STOX2: variants seen among roughly 807,000 people sequenced by gnomAD.
The protein encoded by STOX2 is storkhead-box protein 2.
A neutral mutation model predicts 60.9 loss-of-function variants in STOX2; 28 were observed. The ratio of observed to expected loss-of-function variants is 0.46; its 90% CI spans 0.34 to 0.63. The LOEUF (loss-of-function observed/expected upper bound fraction) is 0.63, where lower values mean the gene tolerates loss of function less well. Among genes scored for constraint, STOX2 ranks in the 30% least tolerant of loss-of-function variants. The pLI is 0.01. For synonymous variants in STOX2, 472 were observed against 463.9 expected (o/e 1.02, Z -0.22); for missense variants, 1,024 against 1,187.7 (o/e 0.86, Z 2.03).
intron 1 of STOX2, among the ~76,000 whole-genome samples, chr4:183,965,328 A>G (rs1377095145): frequency 6.6e-6 from 1 of 152,192 alleles, no homozygotes; most frequent in East Asian, 1.9e-4. Flanking sequence ...AGGTTATATT[A>G]ATTGTGAACC....
chr4:183,980,169 C>T (rs1400451217), intron 1 of STOX2, among the ~76,000 whole-genome samples: 1 of 152,020 alleles, frequency 6.6e-6, no homozygotes, highest in African/African-American at 2.4e-5. Flanking sequence ...CATTTTCTAG[C>T]TTTATAAACA....
chr4:183,833,407 A>G (rs1166685296), intron 1 of STOX2, among the ~76,000 whole-genome samples: 2 of 152,136 alleles, frequency 1.3e-5, no homozygotes, highest in Admixed American at 1.3e-4. Context: ...AGGTAAGTTC[A>G]TAGCCTGGAT....
chr4:184,013,152 T>C (rs1045986631), intron 3 of STOX2, among the ~76,000 whole-genome samples: 2 of 152,236 alleles, frequency 1.3e-5, no homozygotes, highest in African/African-American at 4.8e-5. Flanking sequence ...GCTGCCGTAC[T>C]AAAGAGATAG....
At chr4:183,808,213 C>T (rs1738952240) in intron 1 of STOX2, among the ~76,000 whole-genome samples, 1 of 152,242 alleles carries the variant, frequency 6.6e-6, no homozygotes, top group Non-Finnish European at 1.5e-5. Context: ...ATCCAGTTCT[C>T]TATCTCATCG....
intron 1 of STOX2, among the ~76,000 whole-genome samples, chr4:183,971,196 A>G (rs1051418095): frequency 6.6e-6 from 1 of 152,172 alleles, no homozygotes; most frequent in Non-Finnish European, 1.5e-5. Context: ...GTTTGAAGTA[A>G]AAGTAGGAGG....
At chr4:183,873,913 C>T (rs1483233344) in intron 1 of STOX2, among the ~76,000 whole-genome samples, 1 of 152,180 alleles carries the variant, frequency 6.6e-6, no homozygotes, top group Non-Finnish European at 1.5e-5. Context: ...TGAAACGACA[C>T]CTCCAATTGG....
At chr4:183,847,586 A>ACTC (rs1740016727) in intron 1 of STOX2, among the ~76,000 whole-genome samples, 2 of 152,240 alleles carry the variant, frequency 1.3e-5, no homozygotes, top group African/African-American at 4.8e-5. Context: ...TCCTTCCAGC[A>ACTC]CTAGGAACCA....
At chr4:183,842,637 A>G (rs1249696128) in intron 1 of STOX2, among the ~76,000 whole-genome samples, 2 of 152,164 alleles carry the variant, frequency 1.3e-5, no homozygotes. Context: ...AGAAAACTGA[A>G]GTCCTCATAC....
chr4:183,833,899 GT>G (rs1479225656), intron 1 of STOX2, among the ~76,000 whole-genome samples: 1 of 149,652 alleles, frequency 6.7e-6, no homozygotes, highest in Non-Finnish European at 1.5e-5. Flanking sequence ...GGAGAATGGC[GT>G]GAACCCGGGA....
intron 1 of STOX2, among the ~76,000 whole-genome samples, chr4:183,946,449 G>A (rs1742891276): frequency 6.6e-6 from 1 of 152,110 alleles, no homozygotes; most frequent in African/African-American, 2.4e-5. Context: ...ACCAAAATCT[G>A]AGGATGCTCA....
At chr4:183,916,400 A>G (rs1431176022) in intron 1 of STOX2, among the ~76,000 whole-genome samples, 2 of 152,152 alleles carry the variant, frequency 1.3e-5, no homozygotes, top group Non-Finnish European at 2.9e-5. Flanking sequence ...TCATAGTTCA[A>G]TGTTACCATC....
At chr4:183,798,108 G>A in intron 1 of STOX2, 3 of 1,218,762 alleles carry the variant, frequency 2.5e-6, no homozygotes, top group Non-Finnish European at 3.1e-6. Flanking sequence ...GATCGCGTCC[G>A]TGCCGTGCGG....
intron 1 of STOX2, chr4:183,987,712 G>C (rs772227584): frequency 1.3e-5 from 2 of 152,194 alleles, no homozygotes; most frequent in Non-Finnish European, 2.9e-5. Context: ...CCCGGGCTGC[G>C]AGCCTGACGG....
chr4:183,925,480 G>A (rs916248614), intron 1 of STOX2, among the ~76,000 whole-genome samples: 2 of 151,986 alleles, frequency 1.3e-5, no homozygotes, highest in Admixed American at 6.6e-5. Flanking sequence ...CCCTTCCCCG[G>A]CCCCTCCCCC....
intron 1 of STOX2, among the ~76,000 whole-genome samples, chr4:183,940,088 A>C (rs1742711997): frequency 6.6e-6 from 1 of 152,104 alleles, no homozygotes; most frequent in Non-Finnish European, 1.5e-5. Context: ...TTTTTAGTAG[A>C]TTCGGGGTTT....
At chr4:183,968,323 C>G (rs1743638263) in intron 1 of STOX2, among the ~76,000 whole-genome samples, 1 of 147,830 alleles carries the variant, frequency 6.8e-6, no homozygotes, top group African/African-American at 2.5e-5. Context: ...AGACATTTAA[C>G]ATGCACACAT....
chr4:183,824,177 G>A (rs1739369250), intron 1 of STOX2, among the ~76,000 whole-genome samples: 1 of 152,134 alleles, frequency 6.6e-6, no homozygotes. Context: ...ATAATTTTGG[G>A]ATTAAAACAA....
Position 183,825,759 on chromosome 4 carries a change from G to T in STOX2, c.364+27704G>T, listed in dbSNP as rs377563392. On this transcript the variant is annotated intron_variant, in intron 1 of 2. Coordinates refer to the STOX2 transcript ENST00000513034. The surrounding 1 kb of genome is among the most constrained non-coding windows in gnomAD (Gnocchi z 4.1). ...AGGTGGCTGGGGCTGGACTTTGCCG[G>T]GGAGGGGTTCAGATTTAATGCTTCG... Among the ~76,000 whole-genome samples, 1 of 152,122 alleles carries T rather than the reference G, an allele frequency of 6.6e-6. No homozygotes were observed. Among genetic ancestry groups the T allele is most frequent in the African/African-American group, 2.4e-5 (1 of 41,412 alleles).
In STOX2 at chr4:184,023,392, A is replaced by T. The variant is rs952605986; in HGVS notation, c.*6108A>T. The T allele has an allele frequency of 3.3e-5, 5 of 152,218 alleles. No homozygotes were observed. The highest frequency in any genetic ancestry group is 7.3e-5 in the Non-Finnish European group (5 of 68,036). 9.4% of individuals were successfully genotyped at this position (152,218 alleles called of 1,614,324 possible). On this transcript the variant is annotated 3_prime_UTR_variant, in exon 4 of 4. Coordinates refer to ENST00000308497, the MANE Select transcript of STOX2 (RefSeq NM_020225.3). ...AATAACTTAAAAGAAAAAAAAGGAC[A>T]GGGATTTTTGTAAGTCTATATTTGA...
Sources: allele counts gnomAD v4.1 joint callset (sites outside exome capture counted in the v4.1 genomes callset), GRCh38; gene constraint gnomAD v4.1.1; non-coding constraint Gnocchi (gnomAD v3.1); transcripts MANE v1.5; gene names NCBI Gene and HGNC (gene_info 2026-07-23, HGNC 2026-07-21).